HS3ST4: variants seen among roughly 807,000 people sequenced by gnomAD.
HS3ST4 encodes heparan sulfate glucosamine 3-O-sulfotransferase 4.
In HS3ST4, 17 loss-of-function variants were observed where a neutral mutation model predicts 29.2. That is an observed-to-expected ratio of 0.58 (90% CI 0.40 to 0.87). The LOEUF is 0.87. Among genes scored for constraint, HS3ST4 ranks in the 40% least tolerant of loss-of-function variants. The pLI is 0.00. For synonymous variants in HS3ST4, 314 were observed against 285.7 expected (o/e 1.10, Z -1.00); for missense variants, 627 against 634.5 (o/e 0.99, Z 0.13).
At chr16:25,882,045 G>A (rs539013894) in intron 1 of HS3ST4, among the ~76,000 whole-genome samples, 21 of 152,252 alleles carry the variant, frequency 1.4e-4, no homozygotes, top group African/African-American at 4.3e-4. Flanking sequence ...CAAAGGCTAA[G>A]CCTCTTTGGG....
intron 1 of HS3ST4, among the ~76,000 whole-genome samples, chr16:25,700,265 A>G (rs1229314579): frequency 6.6e-6 from 1 of 152,186 alleles, no homozygotes; most frequent in East Asian, 1.9e-4. Context: ...AAGGAGGTGG[A>G]CAGGCTCTGT....
intron 1 of HS3ST4, among the ~76,000 whole-genome samples, chr16:25,847,384 ATTAAG>A (rs1476712701): frequency 3.9e-5 from 6 of 152,224 alleles, no homozygotes; most frequent in South Asian, 2.1e-4. Flanking sequence ...AATTTCAAAA[ATTAAG>A]TTGAGTTTAG....
rs189056285 is a variant in HS3ST4, at chr16:26,086,540, G to A, written c.735-49072G>A. ...AATTTTTTGTATTTTTAGTAGAGGC[G>A]GGGTTTCGCCGTATTAGCCAGGATG... On this transcript the variant is annotated intron_variant, in intron 1 of 1. Transcript: ENST00000331351. Among the ~76,000 whole-genome samples, 269 of 151,978 alleles carry A rather than the reference G, an allele frequency of 1.8e-3. 1 individual carries two copies. Among genetic ancestry groups the A allele is most frequent in the Non-Finnish European group, 2.9e-3 (198 of 67,938 alleles).
intron 1 of HS3ST4, among the ~76,000 whole-genome samples, chr16:25,792,307 C>T (rs780813586): frequency 2.0e-5 from 3 of 151,886 alleles, no homozygotes; most frequent in Admixed American, 6.6e-5. Context: ...ATGCTTGCCT[C>T]ATAAAACTAG....
intron 1 of HS3ST4, among the ~76,000 whole-genome samples, chr16:25,696,592 G>A (rs964215932): frequency 3.3e-5 from 5 of 151,902 alleles, no homozygotes; most frequent in South Asian, 2.1e-4. Context: ...TCCGCCTCCC[G>A]GATTCAAGCG....
chr16:25,759,455 T>A (rs1481067957), intron 1 of HS3ST4, among the ~76,000 whole-genome samples: 3 of 152,158 alleles, frequency 2.0e-5, no homozygotes, highest in Non-Finnish European at 4.4e-5. Context: ...TGAAATGAAA[T>A]GACCACACAT....
At chr16:25,708,530 A>G (rs1596549406) in intron 1 of HS3ST4, among the ~76,000 whole-genome samples, 1 of 152,220 alleles carries the variant, frequency 6.6e-6, no homozygotes, top group African/African-American at 2.4e-5. Flanking sequence ...ATGGACAAAA[A>G]TGAAAATGCC....
chr16:26,104,632 A>G (rs1341463316), intron 1 of HS3ST4, among the ~76,000 whole-genome samples: 3 of 152,164 alleles, frequency 2.0e-5, no homozygotes, highest in Admixed American at 6.5e-5. Flanking sequence ...TTCAATGTAT[A>G]TCTCCCAATC....
intron 1 of HS3ST4, among the ~76,000 whole-genome samples, chr16:25,696,169 T>A (rs1966294822): frequency 6.6e-6 from 1 of 152,206 alleles, no homozygotes; most frequent in African/African-American, 2.4e-5. Flanking sequence ...CCTCACTTGG[T>A]GGATTGACAC....
chr16:25,755,106 A>G (rs962015159), intron 1 of HS3ST4, among the ~76,000 whole-genome samples: 1 of 151,918 alleles, frequency 6.6e-6, no homozygotes, highest in Non-Finnish European at 1.5e-5. Flanking sequence ...CTGTCCATCC[A>G]TTCATCCTTC....
intron 1 of HS3ST4, among the ~76,000 whole-genome samples, chr16:25,713,450 C>T (rs905960493): frequency 1.3e-5 from 2 of 152,084 alleles, no homozygotes; most frequent in African/African-American, 2.4e-5. Context: ...ATTGCTTGAG[C>T]CTGGGATGTC....
At chr16:25,833,169 C>T (rs1056769840) in intron 1 of HS3ST4, among the ~76,000 whole-genome samples, 6 of 152,146 alleles carry the variant, frequency 3.9e-5, no homozygotes, top group Non-Finnish European at 4.4e-5. Context: ...TAGCTTGAGA[C>T]CTTTGGACCG....
At chr16:25,972,201 G>A (rs1437732491) in intron 1 of HS3ST4, among the ~76,000 whole-genome samples, 1 of 152,200 alleles carries the variant, frequency 6.6e-6, no homozygotes, top group Non-Finnish European at 1.5e-5. Flanking sequence ...GTATTAGCTA[G>A]CTATTGCTCT....
chr16:26,014,391 A>G (rs1969343105), intron 1 of HS3ST4, among the ~76,000 whole-genome samples: 1 of 152,182 alleles, frequency 6.6e-6, no homozygotes, highest in African/African-American at 2.4e-5. Context: ...GGTTTGTTAT[A>G]TAGGTAAATT....
intron 1 of HS3ST4, among the ~76,000 whole-genome samples, chr16:25,888,159 CT>C (rs1193835280): frequency 1.3e-5 from 2 of 152,082 alleles, no homozygotes; most frequent in East Asian, 3.9e-4. Context: ...GCAAGCAGGC[CT>C]GCTTCATCTG....
chr16:26,042,454 A>G (rs191846359), intron 1 of HS3ST4, among the ~76,000 whole-genome samples: 7 of 152,186 alleles, frequency 4.6e-5, no homozygotes, highest in Admixed American at 1.3e-4. Context: ...GTTGAATGCA[A>G]TCATTTCTGT....
At chr16:26,011,722 G>GGTGTGT (rs55657831) in intron 1 of HS3ST4, among the ~76,000 whole-genome samples, 137 of 150,164 alleles carry the variant, frequency 9.1e-4, no homozygotes, top group African/African-American at 3.3e-3. Context: ...GACAGAGAGA[G>GGTGTGT]GTGTGTGTGT....
Position 26,118,787 on chromosome 16 carries a change from A to G in HS3ST4, c.735-16825A>G, listed in dbSNP as rs564971306. ...GGAAAGGAATGTGGAGTATTTGGGG[A>G]CACAGAGAAGGCCGGTGTTGCTGGG... On this transcript the variant is annotated intron_variant, in intron 1 of 1. Transcript: ENST00000331351. Among the ~76,000 whole-genome samples the G allele has an allele frequency of 2.5e-4, 38 of 152,232 alleles. No homozygotes were observed. The South Asian group carries it at 7.1e-3, about 28-fold the overall frequency.
chr16:25,902,060 A>G (rs372710925), intron 1 of HS3ST4, among the ~76,000 whole-genome samples: 3 of 151,928 alleles, frequency 2.0e-5, no homozygotes, highest in African/African-American at 7.3e-5. Context: ...GTGTTAATCT[A>G]TTGTTCTTTT....
Sources: allele counts gnomAD v4.1 joint callset (sites outside exome capture counted in the v4.1 genomes callset), GRCh38; gene constraint gnomAD v4.1.1; transcripts MANE v1.5; gene names NCBI Gene and HGNC (gene_info 2026-07-23, HGNC 2026-07-21).